The following VWCE variants were observed in gnomAD, a reference collection of about 807,000 sequenced individuals.
The protein encoded by VWCE is von Willebrand factor C and EGF domains, also known as von Willebrand factor C and EGF domain-containing protein.
In VWCE, 68 loss-of-function variants were observed where a neutral mutation model predicts 102.9. That is an observed-to-expected ratio of 0.66 (90% CI 0.54 to 0.81). The LOEUF is 0.81. VWCE is among the 30% of genes least tolerant of loss of function. The probability of loss-of-function intolerance (pLI) is 0.00; values close to 1 mark genes in which losing one functional copy is unlikely to be tolerated. For synonymous variants in VWCE, 497 were observed against 515.4 expected, an observed-to-expected ratio of 0.96 and a Z score of 0.48; for missense variants, 1,137 against 1,263.6, an observed-to-expected ratio of 0.90 and a Z score of 1.52.
intron 19 of VWCE, among the ~76,000 whole-genome samples, chr11:61,262,305 C>T (rs1356716199): frequency 6.6e-6 from 1 of 152,048 alleles, no homozygotes; most frequent in African/African-American, 2.4e-5. Context: ...TAGGAGGGCA[C>T]GGTGGGAAAG....
intron 11 of VWCE, among the ~76,000 whole-genome samples, chr11:61,274,835 G>A (rs567675007): frequency 2.4e-4 from 37 of 152,288 alleles, no homozygotes; most frequent in African/African-American, 8.4e-4. Context: ...GCCAAGGTGG[G>A]AGGATCTCTT....
rs1041924950 is a variant in VWCE, at chr11:61,268,849, C to G, written c.1882+73G>C. On this transcript the variant is annotated intron_variant, in intron 15 of 19. Transcript: ENST00000335613. ...TTGTTAGGACGACATGAGATGAAGG[C>G]TGTATAGGGCTTAAGGAGCCCGATG... 8.2e-6 allele frequency: 12 copies of G among 1,463,938 alleles called. No individual in the cohort carries two copies. In the African/African-American group the frequency reaches 1.5e-4, roughly 19 times the overall value. The allele number at this position is 1,463,938 out of a possible 1,614,324, so 90.7% of individuals were successfully genotyped here.
rs80272066 is a variant in VWCE at position 61,282,033 on chromosome 11, G to C, written c.659-119C>G. On this transcript the variant is annotated intron_variant, in intron 6 of 19. Transcript: ENST00000335613. ...TCTGCCATGTTCTTACAGGGTCCAT[G>C]CCTGCCCCGAGGTGCGGGATGTGAC... 7.1e-4 allele frequency: 1,030 copies of C among 1,446,342 alleles called. 9 individuals are homozygous for C. The African/African-American group carries it at 0.014, about 19-fold the overall frequency. 89.6% of individuals were successfully genotyped at this position (1,446,342 alleles called of 1,614,324 possible).
At chr11:61,286,630 C>T (rs537161423) in intron 4 of VWCE, among the ~76,000 whole-genome samples, 200 bp from the exon 5 acceptor site, 5 of 151,990 alleles carry the variant, frequency 3.3e-5, no homozygotes, top group African/African-American at 9.7e-5. Context: ...GGAGAAACCC[C>T]GTCTCTACTA....
At chr11:61,293,285 C>T (rs946040479) in intron 1 of VWCE, among the ~76,000 whole-genome samples, 1 of 142,944 alleles carries the variant, frequency 7.0e-6, no homozygotes, top group African/African-American at 2.8e-5. Context: ...GGTGTGGTGG[C>T]ATGTGCCTGT....
chr11:61,272,729 A>G (rs969745395), intron 13 of VWCE, among the ~76,000 whole-genome samples: 2 of 151,542 alleles, frequency 1.3e-5, no homozygotes, highest in African/African-American at 4.9e-5. Context: ...GACGCACACT[A>G]CTCACACACA....
rs775038250 is a variant in VWCE, at chr11:61,280,718, C to T, written c.1231-1G>A. On this transcript the variant is annotated splice_acceptor_variant, in intron 8 of 19. Coordinates refer to ENST00000335613, the MANE Select transcript of VWCE (RefSeq NM_152718.2). LOFTEE classifies it high-confidence loss of function. ...CCTTTTCACAGGTCACCTTCCCGTC[C>T]TAGAAGCACAAGCAGGAGTTAGAGC... The T allele has an allele frequency of 6.2e-7, 1 of 1,613,976 alleles. No homozygotes were observed. Among genetic ancestry groups the T allele is most frequent in the Non-Finnish European group, 8.5e-7 (1 of 1,179,980 alleles).
At chr11:61,260,506 C>G (rs1443470200) in intron 19 of VWCE, among the ~76,000 whole-genome samples, 1 of 152,096 alleles carries the variant, frequency 6.6e-6, no homozygotes, top group Non-Finnish European at 1.5e-5. Context: ...CTTTGTTACC[C>G]AGGCTGGTCT....
At chr11:61,290,748 A>T (rs765328879) in intron 4 of VWCE, 51 bp downstream of exon 4, 1 of 1,563,814 alleles carries the variant, frequency 6.4e-7, no homozygotes, top group East Asian at 2.3e-5. Context: ...GGGAGGAGAT[A>T]TAATTCCCGC....
intron 12 of VWCE, 127 bp downstream of exon 12, chr11:61,274,372 C>A (rs1854838972): frequency 1.2e-6 from 1 of 855,864 alleles, no homozygotes. Flanking sequence ...AGTGCCTTTG[C>A]TTCCTCAGTT....
At chr11:61,277,089 AAGAG>A (rs1463162650) in intron 10 of VWCE, among the ~76,000 whole-genome samples, 62 of 143,644 alleles carry the variant, frequency 4.3e-4, no homozygotes, top group Non-Finnish European at 7.6e-4. Flanking sequence ...GAGAGGAAGG[AAGAG>A]AGAAACAGAG....
Position 61,267,444 on chromosome 11 carries a change from G to GAT in VWCE, c.1965+16_1965+17dup, listed in dbSNP as rs1361862969. ...GGGGAGTTTCCAGGGGCGGGAGTCA[G>GAT]ATCTGGGTGGTCCATACCAGGCAGA... On this transcript the variant is annotated intron_variant, in intron 16 of 19. Transcript: ENST00000335613. The GAT allele has an allele frequency of 6.2e-7, 1 of 1,613,566 alleles. No homozygotes were observed. Among genetic ancestry groups the GAT allele is most frequent in the South Asian group, 1.1e-5 (1 of 91,054 alleles).
chr11:61,264,220 A>T, intron 19 of VWCE, among the ~76,000 whole-genome samples: 1 of 113,058 alleles, frequency 8.8e-6, no homozygotes, highest in African/African-American at 4.3e-5. Flanking sequence ...AGGGAGACTC[A>T]GTCTCAAAAA....
chr11:61,265,101 G>C, intron 17 of VWCE, 21 bp downstream of exon 17: 1 of 1,613,062 alleles, frequency 6.2e-7, no homozygotes, highest in Non-Finnish European at 8.5e-7. Context: ...CCTGGCACGT[G>C]GGGCAGCTGG....
In VWCE at chr11:61,295,045, G is replaced by A; in HGVS notation, c.-8C>T. ...GAGCAGTCCGGCCCACATGACCGGC[G>A]GCGGCGGGTCCCCCGGGCTGGGCTC... On this transcript the variant is annotated 5_prime_UTR_variant, in exon 1 of 20. Transcript: ENST00000335613. The surrounding 1 kb of genome is among the most constrained non-coding windows in gnomAD (Gnocchi z 4.6). 2 of 1,368,176 alleles carry A rather than the reference G, an allele frequency of 1.5e-6. No homozygotes were observed. Among genetic ancestry groups the A allele is most frequent in the Non-Finnish European group, 1.9e-6 (2 of 1,057,498 alleles). The allele number at this position is 1,368,176 out of a possible 1,614,324, so 84.8% of individuals were successfully genotyped here.
intron 12 of VWCE, chr11:61,273,577 C>G (rs1386533407): frequency 4.1e-6 from 2 of 491,700 alleles, no homozygotes; most frequent in Non-Finnish European, 7.2e-6. Context: ...TTCACCATCT[C>G]TCACCCTCCC....
At chr11:61,268,266 T>C (rs2134751752) in intron 15 of VWCE, among the ~76,000 whole-genome samples, 1 of 152,152 alleles carries the variant, frequency 6.6e-6, no homozygotes, top group Middle Eastern at 3.4e-3. Context: ...AAATTTTCTA[T>C]AATGGAGCTG....
Position 61,290,862 on chromosome 11 carries a change from C to T in VWCE, c.361G>A (p.Val121Met), listed in dbSNP as rs747853498. The change falls in exon 4 of 20, where the codon GTG becomes ATG. Residue 121 changes from valine (V) to methionine (M), a missense_variant. This residue lies in a region of VWCE where 575 missense variants were observed against 625.9 expected (regional missense o/e 0.92). Coordinates refer to ENST00000335613, the MANE Select transcript of VWCE (RefSeq NM_152718.2). The part of the protein sequence containing the change: ...LTCNHGGCQE[V>M]ARVCPVGFSM... ...AAGCCCACGGGGCACACTCGGGCCA[C>T]CTCCTGACAGCCTCCATGGTTGCAG... 3 of 1,613,928 alleles carry T rather than the reference C, an allele frequency of 1.9e-6. No homozygotes were observed. Among genetic ancestry groups the T allele is most frequent in the Non-Finnish European group, 2.5e-6 (3 of 1,180,020 alleles).
rs777385860 is a variant in VWCE at position 61,259,162 on chromosome 11, G to A, written c.2381C>T (p.Pro794Leu). Residue 794 changes from proline (P) to leucine (L), a missense_variant, in exon 20 of 20, where the codon CCG (proline) becomes CTG (leucine). Pro to Leu is a moderately conservative substitution (Grantham distance 98). Around this residue, in one of 5 missense-constraint regions of VWCE, gnomAD observed 316 missense variants for 319.3 expected, o/e 0.99. Transcript: ENST00000335613. ...PGPPTASPSRPVLHLLQLLLR... is the reference protein window; with the variant it reads ...PGPPTASPSRLVLHLLQLLLR... ...AAGGAGCTGGAGGAGATGAAGCACC[G>A]GCCTCGAGGGTGATGCTGTCGGGGG... 36 of 1,613,982 alleles carry A rather than the reference G, an allele frequency of 2.2e-5. No individual in the cohort carries two copies. Among genetic ancestry groups the A allele is most frequent in the Admixed American group, 1.7e-4 (10 of 60,004 alleles).
Sources: allele counts gnomAD v4.1 joint callset (sites outside exome capture counted in the v4.1 genomes callset), GRCh38; gene constraint gnomAD v4.1.1; regional missense constraint gnomAD v4.1.1; non-coding constraint Gnocchi (gnomAD v3.1); transcripts MANE v1.5; gene names NCBI Gene and HGNC (gene_info 2026-07-23, HGNC 2026-07-21).